GALNT13: variants seen among roughly 807,000 people sequenced by gnomAD.
The protein encoded by GALNT13 is UDP-GalNAc:polypeptide N-acetylgalactosaminyltransferase 13.
Under a neutral mutation model 64.2 loss-of-function variants are expected in GALNT13, and 28 were observed. The observed-to-expected ratio is 0.44, with a 90% CI of 0.32 to 0.60. The LOEUF (loss-of-function observed/expected upper bound fraction) is 0.60. GALNT13 is among the 20% of genes least tolerant of loss of function. The pLI, the probability that GALNT13 is intolerant of heterozygous loss-of-function variation, is 0.05. For synonymous variants in GALNT13, 214 were observed against 224.6 expected, an observed-to-expected ratio of 0.95 and a Z score of 0.42; for missense variants, 577 against 669.8, an observed-to-expected ratio of 0.86 and a Z score of 1.53.
intron 1 of GALNT13, among the ~76,000 whole-genome samples, chr2:153,886,578 A>G (rs1364660004): frequency 1.3e-5 from 2 of 152,078 alleles, no homozygotes; most frequent in East Asian, 3.9e-4. Context: ...ATAGGTGGGA[A>G]TTGAACAATG....
the GALNT13 span, among the ~76,000 whole-genome samples, chr2:153,619,733 T>A: frequency 6.6e-6 from 1 of 152,168 alleles, no homozygotes; most frequent in Non-Finnish European, 1.5e-5. Context: ...AAGGTAGAAG[T>A]CTTTTTTCTT....
At chr2:153,436,182 G>A in the GALNT13 span, among the ~76,000 whole-genome samples, 8 of 152,184 alleles carry the variant, frequency 5.3e-5, no homozygotes, top group East Asian at 7.7e-4. Flanking sequence ...TGAAGCCCAC[G>A]TGATCATGGT....
the GALNT13 span, among the ~76,000 whole-genome samples, chr2:153,140,946 A>T: frequency 6.6e-6 from 1 of 151,948 alleles, no homozygotes; most frequent in Non-Finnish European, 1.5e-5. Flanking sequence ...TTGTGCAATC[A>T]TCCCCATGAT....
At chr2:154,071,145 C>A (rs1700721165) in intron 3 of GALNT13, among the ~76,000 whole-genome samples, 2 of 152,094 alleles carry the variant, frequency 1.3e-5, no homozygotes, top group African/African-American at 2.4e-5. Context: ...TTTCAAAAAT[C>A]TTTTCTGATT....
At chr2:153,442,224 G>C in the GALNT13 span, among the ~76,000 whole-genome samples, 14 of 152,114 alleles carry the variant, frequency 9.2e-5, no homozygotes, top group African/African-American at 3.1e-4. Context: ...TTTGTCATTG[G>C]TTCTGTTTAT....
chr2:154,203,332 A>G (rs1209090032), intron 4 of GALNT13, among the ~76,000 whole-genome samples: 2 of 152,134 alleles, frequency 1.3e-5, no homozygotes, highest in Non-Finnish European at 2.9e-5. Flanking sequence ...ATATTCTGCA[A>G]TAGGAAGCTC....
the GALNT13 span, among the ~76,000 whole-genome samples, chr2:153,707,761 A>G: frequency 1.3e-5 from 2 of 152,152 alleles, no homozygotes; most frequent in East Asian, 3.9e-4. Flanking sequence ...AGAGGGGAAC[A>G]TATCCATGAG....
At chr2:153,239,179 G>A in the GALNT13 span, among the ~76,000 whole-genome samples, 1 of 151,926 alleles carries the variant, frequency 6.6e-6, no homozygotes, top group Non-Finnish European at 1.5e-5. Flanking sequence ...TTTTAGTATG[G>A]TGATTTTGTG....
chr2:153,255,835 A>C, the GALNT13 span, among the ~76,000 whole-genome samples: 2 of 152,198 alleles, frequency 1.3e-5, no homozygotes, highest in Non-Finnish European at 1.5e-5. Flanking sequence ...CTGAGAGATC[A>C]GCTGTTAGTC....
chr2:154,345,356 G>A (rs1368981352), intron 9 of GALNT13, among the ~76,000 whole-genome samples: 1 of 152,046 alleles, frequency 6.6e-6, no homozygotes, highest in South Asian at 2.1e-4. Context: ...TGTTCCCCAG[G>A]TTGAAGGTTT....
At chr2:153,081,815 T>C in the GALNT13 span, among the ~76,000 whole-genome samples, 1 of 152,190 alleles carries the variant, frequency 6.6e-6, no homozygotes, top group Non-Finnish European at 1.5e-5. Context: ...TTGTAAACAG[T>C]GCTGCAACAA....
chr2:153,763,497 G>A, the GALNT13 span, among the ~76,000 whole-genome samples: 1 of 152,144 alleles, frequency 6.6e-6, no homozygotes, highest in Admixed American at 6.5e-5. Context: ...TTTATAAATG[G>A]GAGTTTCCCT....
intron 3 of GALNT13, among the ~76,000 whole-genome samples, chr2:154,050,954 T>A (rs1185732822): frequency 6.6e-6 from 1 of 152,210 alleles, no homozygotes; most frequent in African/African-American, 2.4e-5. Context: ...TTATAGCGCA[T>A]ACACAATACT....
At chr2:154,364,180 T>C (rs1482394815) in intron 9 of GALNT13, among the ~76,000 whole-genome samples, 1 of 152,056 alleles carries the variant, frequency 6.6e-6, no homozygotes, top group Non-Finnish European at 1.5e-5. Context: ...GACAAGGAAA[T>C]AATTTACAAC....
rs548206011 is a variant in GALNT13 at position 154,287,231 on chromosome 2, A to T, written c.976-14178A>T. The T allele has an allele frequency of 5.1e-4, 580 of 1,137,142 alleles. 8 individuals are homozygous for T. In the South Asian group the frequency reaches 6.9e-3, roughly 13 times the overall value. 70.4% of individuals were successfully genotyped at this position (1,137,142 alleles called of 1,614,324 possible). A position where few individuals can be genotyped will look rare whatever the true frequency, so the allele number is the denominator to read the frequency against. On this transcript the variant is annotated intron_variant, in intron 8 of 12. Transcript: ENST00000392825. ...GGTGGAAAAGGCTGAGCATCAGAAG[A>T]AGGCAGCCATCATCTTTGCCGACGG...
At chr2:153,922,188 A>T (rs1246129425) in intron 2 of GALNT13, among the ~76,000 whole-genome samples, 1 of 152,136 alleles carries the variant, frequency 6.6e-6, no homozygotes, top group Non-Finnish European at 1.5e-5. Flanking sequence ...TGTACTGATT[A>T]TGGTTTTTTG....
the GALNT13 span, among the ~76,000 whole-genome samples, chr2:153,086,482 A>G: frequency 6.6e-6 from 1 of 151,988 alleles, no homozygotes; most frequent in African/African-American, 2.4e-5. Context: ...ATGGTGGTGA[A>G]TAAGTCTCAT....
the GALNT13 span, among the ~76,000 whole-genome samples, chr2:153,357,854 G>C: frequency 6.6e-6 from 1 of 152,008 alleles, no homozygotes; most frequent in Non-Finnish European, 1.5e-5. Context: ...ATTTTAATGG[G>C]AATACATCTT....
the GALNT13 span, among the ~76,000 whole-genome samples, chr2:153,179,159 T>C: frequency 2.4e-4 from 36 of 152,346 alleles, no homozygotes; most frequent in East Asian, 5.4e-3. Context: ...TCTAGTAGTT[T>C]TAAACTTTCA....
Sources: allele counts gnomAD v4.1 joint callset (sites outside exome capture counted in the v4.1 genomes callset), GRCh38; gene constraint gnomAD v4.1.1; transcripts MANE v1.5; gene names NCBI Gene and HGNC (gene_info 2026-07-23, HGNC 2026-07-21).